ACOT2: variants seen among roughly 807,000 people sequenced by gnomAD.
The protein encoded by ACOT2 is acyl-coenzyme A thioesterase 2, mitochondrial.
Under a neutral mutation model 20.1 loss-of-function variants are expected in ACOT2, and 15 were observed. The ratio of observed to expected loss-of-function variants is 0.75; its 90% CI spans 0.50 to 1.15. The LOEUF (loss-of-function observed/expected upper bound fraction) is 1.15. Ranked by LOEUF, ACOT2 falls within the 50% of genes most tolerant of loss-of-function variation. The probability of loss-of-function intolerance (pLI) is 0.00; values close to 1 mark genes in which losing one functional copy is unlikely to be tolerated. For synonymous variants in ACOT2, 252 were observed against 268.4 expected (o/e 0.94, Z 0.60); for missense variants, 479 against 615.3 (o/e 0.78, Z 2.34).
Position 73,569,804 on chromosome 14 carries a change from G to A in ACOT2, c.564G>A (p.Glu188=), listed in dbSNP as rs775011728. The A allele has an allele frequency of 2.5e-6, 4 of 1,602,724 alleles. No individual in the cohort carries two copies. The highest frequency in any genetic ancestry group is 2.2e-5 in the South Asian group (2 of 90,244). ...GGCTGCTGTGCCAGACGCGGCACGA[G>A]CGCTACTTCCTCCCGCCCGGGGTGC... is the stretch of plus-strand genomic sequence containing the variant. ...PGRLLCQTRH[E]RYFLPPGVRR... The change falls in exon 1 of 3, where the codon GAG becomes GAA. Residue 188 remains glutamate (E), a synonymous_variant. Transcript: ENST00000238651.
chr14:73,574,035 TA>T (rs996315890), intron 2 of ACOT2, among the ~76,000 whole-genome samples: 2 of 53,306 alleles, frequency 3.8e-5, no homozygotes, highest in Non-Finnish European at 6.1e-5. Flanking sequence ...CTAATATTTG[TA>T]TTTTTTTTTT....
Position 73,569,823 on chromosome 14 carries a change from G to C in ACOT2, c.583G>C (p.Gly195Arg). Residue 195 changes from glycine to arginine, a missense_variant, in exon 1 of 3, where the codon GGG becomes CGG. Physicochemically the swap from Gly to Arg is moderately radical, Grantham distance 125. This residue lies in a region of ACOT2 where 400 missense variants were observed against 395.5 expected (regional missense o/e 1.01). Coordinates refer to ENST00000238651, the MANE Select transcript of ACOT2 (RefSeq NM_006821.6). ...TRHERYFLPP[G>R]VRREPVRVGR... ...GCACGAGCGCTACTTCCTCCCGCCC[G>C]GGGTGCGGCGCGAGCCGGTGCGCGT... 6.2e-6 allele frequency: 10 copies of C among 1,600,296 alleles called. No homozygotes were observed. The highest frequency in any genetic ancestry group is 8.5e-6 in the Non-Finnish European group (10 of 1,174,606).
rs774555941 is a variant in ACOT2 at position 73,573,593 on chromosome 14, T to G, written c.846+3T>G. Reference sequence around the variant, plus strand: ...ACTACTTGCTCAGTCATCCCGAGGTTAGTTCTTCTTTCAGATTTATGGGCT... The same window carrying G: ...ACTACTTGCTCAGTCATCCCGAGGTGAGTTCTTCTTTCAGATTTATGGGCT... On this transcript the variant is annotated splice_donor_region_variant and intron_variant, in intron 2 of 2. Transcript: ENST00000238651. The G allele has an allele frequency of 9.9e-6, 16 of 1,613,624 alleles. No individual in the cohort carries two copies. Among genetic ancestry groups the G allele is most frequent in the Middle Eastern group, 1.6e-4 (1 of 6,084 alleles).
At chr14:73,569,150 G>A, upstream of ACOT2, 1 of 1,474,962 alleles carries the variant, frequency 6.8e-7, no homozygotes, top group Non-Finnish European at 9.3e-7. Flanking sequence ...TATTTGGTCT[G>A]GCTGATCGGC....
chr14:73,569,226 C>T lies in ACOT2; in HGVS notation c.-15C>T, dbSNP rs1566858119. On this transcript the variant is annotated 5_prime_UTR_variant, in exon 1 of 3. The change creates a new upstream start codon in the 5' untranslated region. Transcript: ENST00000238651. ...GCCCTAGTGGGCGCTTAGCCTGCGA[C>T]GGCAGCCCGAGAGGATGTCTAACAA... 1.2e-6 allele frequency: 2 copies of T among 1,612,066 alleles called. No homozygotes were observed. Among genetic ancestry groups the T allele is most frequent in the Admixed American group, 1.7e-5 (1 of 59,920 alleles).
At position 73,569,622 on chromosome 14, in the gene ACOT2, C is replaced by G; in HGVS notation, c.382C>G (p.Pro128Ala). 1.9e-6 allele frequency: 3 copies of G among 1,600,932 alleles called. No homozygotes were observed. Among genetic ancestry groups the G allele is most frequent in the African/African-American group, 1.3e-5 (1 of 74,484 alleles). Residue 128 changes from proline to alanine, a missense_variant, in exon 1 of 3, where the codon CCC becomes GCC. Transcript: ENST00000238651. Reference sequence around the variant, plus strand: ...TGGCGAGCTGGACCTGGAGCGCGCGCCCGCGCTGGGCGGCAGCTTCGCGGG... The same window carrying G: ...TGGCGAGCTGGACCTGGAGCGCGCGGCCGCGCTGGGCGGCAGCTTCGCGGG... ...TLGELDLERAPALGGSFAGLE... is the reference protein window; with the variant it reads ...TLGELDLERAAALGGSFAGLE...
At position 73,569,588 on chromosome 14, in the gene ACOT2, C is replaced by A. The variant is rs760659199; in HGVS notation, c.348C>A (p.Ala116=). Residue 116 remains alanine (A), a synonymous_variant, in exon 1 of 3, where the codon GCC becomes GCA. Transcript: ENST00000238651. ...ALFQAHARYR[A]DTLGELDLER... Reference sequence around the variant, plus strand: ...TCCAGGCCCACGCGCGCTACCGCGCCGACACTCTTGGCGAGCTGGACCTGG... The same window carrying A: ...TCCAGGCCCACGCGCGCTACCGCGCAGACACTCTTGGCGAGCTGGACCTGG... 11 of 1,601,224 alleles carry A rather than the reference C, an allele frequency of 6.9e-6. No homozygotes were observed. The South Asian group carries it at 1.1e-4, about 16-fold the overall frequency.
chr14:73,572,093 C>A (rs1157761172), intron 1 of ACOT2, among the ~76,000 whole-genome samples: 2 of 146,504 alleles, frequency 1.4e-5, no homozygotes, highest in Non-Finnish European at 3.0e-5. Context: ...CTGCTCTGGG[C>A]AACAATTTGT....
chr14:73,570,031 C>T, intron 1 of ACOT2, 148 bp downstream of exon 1: 4 of 1,308,808 alleles, frequency 3.1e-6, no homozygotes, highest in South Asian at 3.1e-5. Flanking sequence ...TGGTCTCCAG[C>T]TATCTTCCCG....
chr14:73,569,973 C>CG lies in ACOT2; in HGVS notation c.643+90_643+91insG, dbSNP rs1889688175. On this transcript the variant is annotated intron_variant, in intron 1 of 2. Coordinates refer to ENST00000238651, the MANE Select transcript of ACOT2 (RefSeq NM_006821.6). ...CACGCTTTTCGCTTATGTGTATGCCCCCCCGCCGCGCCCCCGGGCTATATT... is the reference window on the plus strand; with the variant it reads ...CACGCTTTTCGCTTATGTGTATGCCCGCCCCGCCGCGCCCCCGGGCTATATT... 16 of 1,465,738 alleles carry CG rather than the reference C, an allele frequency of 1.1e-5. No individual in the cohort carries two copies. The South Asian group carries it at 2.2e-4, about 20-fold the overall frequency. 90.8% of individuals were successfully genotyped at this position (1,465,738 alleles called of 1,614,324 possible).
Position 73,569,518 on chromosome 14 carries a change from C to A in ACOT2, c.278C>A (p.Pro93Gln), listed in dbSNP as rs766505734. 2.5e-5 allele frequency: 40 copies of A among 1,609,034 alleles called. 1 individual carries two copies. The highest frequency in any genetic ancestry group is 3.2e-5 in the Non-Finnish European group (38 of 1,178,244). ...GTGCGCGGCCTAGCCCCGGAGCAGC[C>A]GGTCACGCTGCGCGCGTCCCTGCGC... is the stretch of plus-strand genomic sequence containing the variant. ...IAVRGLAPEQ[P>Q]VTLRASLRDE... Residue 93 changes from proline (P) to glutamine (Q), a missense_variant, in exon 1 of 3, where the codon CCG (proline) becomes CAG (glutamine). Physicochemically the swap from Pro to Gln is moderately conservative, Grantham distance 76. Coordinates refer to ENST00000238651, the MANE Select transcript of ACOT2 (RefSeq NM_006821.6).
rs1185555584 is a variant in ACOT2, at chr14:73,569,568, G to T, written c.328G>T (p.Ala110Ser). Residue 110 changes from alanine (A) to serine (S), a missense_variant, in exon 1 of 3, where the codon GCC becomes TCC. This residue lies in a region of ACOT2 where 400 missense variants were observed against 395.5 expected (regional missense o/e 1.01). Coordinates refer to ENST00000238651, the MANE Select transcript of ACOT2 (RefSeq NM_006821.6). ...LRDEKGALFQAHARYRADTLG... is the reference protein window; with the variant it reads ...LRDEKGALFQSHARYRADTLG... ...CGACGAGAAGGGCGCGCTTTTCCAG[G>T]CCCACGCGCGCTACCGCGCCGACAC... 6.3e-7 allele frequency: 1 copy of T among 1,599,550 alleles called. No individual in the cohort carries two copies. The highest frequency in any genetic ancestry group is 8.5e-7 in the Non-Finnish European group (1 of 1,174,846).
chr14:73,570,029 A>G (rs565496512), intron 1 of ACOT2, 146 bp downstream of exon 1: 18 of 1,316,376 alleles, frequency 1.4e-5, no homozygotes, highest in Non-Finnish European at 1.5e-5. Context: ...CCTGGTCTCC[A>G]GCTATCTTCC....
In ACOT2 at chr14:73,569,830, GGCGCGAGCCGGTGC is replaced by G; in HGVS notation, c.594_607del (p.Glu199GlyfsTer35). The G allele has an allele frequency of 6.3e-7, 1 of 1,598,578 alleles. No individual in the cohort carries two copies. The highest frequency in any genetic ancestry group is 2.3e-5 in the East Asian group (1 of 44,228). ...CGCTACTTCCTCCCGCCCGGGGTGC[GGCGCGAGCCGGTGC>G]GCGTGGGCCGGGTGCGAGGCACGCT... On this transcript the variant is annotated frameshift_variant, in exon 1 of 3. Coordinates refer to ENST00000238651, the MANE Select transcript of ACOT2 (RefSeq NM_006821.6). LOFTEE classifies it high-confidence loss of function.
At chr14:73,569,940 C>A in intron 1 of ACOT2, 57 bp downstream of exon 1, 1 of 1,540,112 alleles carries the variant, frequency 6.5e-7, no homozygotes, top group Non-Finnish European at 8.7e-7. Context: ...TGTGTGTCTC[C>A]CCCGCCCCAC....
intron 1 of ACOT2, chr14:73,571,576 GTGC>G (rs1345106458): frequency 6.6e-6 from 1 of 151,688 alleles, no homozygotes; most frequent in African/African-American, 2.4e-5. Context: ...GGAAGCTGCG[GTGC>G]TGCTGCAGTG....
chr14:73,574,048 TTA>T (rs1353159868), intron 2 of ACOT2, among the ~76,000 whole-genome samples: 57 of 151,432 alleles, frequency 3.8e-4, no homozygotes, highest in African/African-American at 1.3e-3. Context: ...TTTTTTTTTT[TTA>T]AGTAGAGATG....
intron 1 of ACOT2, chr14:73,571,771 T>A (rs1889756689): frequency 6.6e-6 from 1 of 152,048 alleles, no homozygotes; most frequent in Non-Finnish European, 1.5e-5. Flanking sequence ...AGTTTCTCAT[T>A]TTTGCAACTT....
rs554094341 is a variant in ACOT2 at position 73,569,896 on chromosome 14, C to G, written c.643+13C>G. 1.3e-6 allele frequency: 2 copies of G among 1,599,822 alleles called. No homozygotes were observed. Among genetic ancestry groups the G allele is most frequent in the South Asian group, 1.1e-5 (1 of 89,128 alleles). On this transcript the variant is annotated intron_variant, in intron 1 of 2. Transcript: ENST00000238651. ...TTCCTGCCGCCAGGTGACTCACCTCCGCTAATTGTTCCGTGTTCGTTCGCC... is the reference window on the plus strand; with the variant it reads ...TTCCTGCCGCCAGGTGACTCACCTCGGCTAATTGTTCCGTGTTCGTTCGCC...
Sources: gnomAD v4.1 joint callset for allele counts (sites outside exome capture counted in the v4.1 genomes callset) on GRCh38, gnomAD v4.1.1 for gene constraint, gnomAD v4.1.1 regional missense constraint, MANE v1.5 for transcripts, NCBI Gene and HGNC (gene_info 2026-07-23, HGNC 2026-07-21) for gene names.